The following SLC39A8 variants were observed in gnomAD, a reference collection of about 807,000 sequenced individuals.
SLC39A8 encodes metal cation symporter ZIP8.
Under a neutral mutation model 40.4 loss-of-function variants are expected in SLC39A8, and 15 were observed. That is an observed-to-expected ratio of 0.37 (90% CI 0.25 to 0.57). SLC39A8 has a LOEUF of 0.57. SLC39A8 is among the 20% of genes least tolerant of loss of function. The probability of loss-of-function intolerance (pLI) is 0.75; values close to 1 mark genes in which losing one functional copy is unlikely to be tolerated. For missense variants in SLC39A8, 472 were observed against 558.8 expected (o/e 0.84, Z 1.57); for synonymous variants, 223 against 221.6 (o/e 1.01, Z -0.06).
chr4:102,282,758 A>G (rs233824), intron 6 of SLC39A8, among the ~76,000 whole-genome samples: 111,333 of 151,942 alleles, frequency 0.73, 41,180 homozygotes, highest in Middle Eastern at 0.79. Context: ...ACGGAGTCCC[A>G]CTCTGTCGTC....
chr4:102,275,787 C>T (rs935258486), intron 6 of SLC39A8, among the ~76,000 whole-genome samples: 1 of 152,192 alleles, frequency 6.6e-6, no homozygotes, highest in African/African-American at 2.4e-5. Flanking sequence ...CAAACAGTCT[C>T]TCAGACCATA....
At position 102,289,209 on chromosome 4, in the gene SLC39A8, C is replaced by T. The variant is rs536145326; in HGVS notation, c.840+15108G>A. 5.9e-5 allele frequency among the ~76,000 whole-genome samples: 9 copies of T among 152,240 alleles called. No homozygotes were observed. The South Asian group carries it at 1.9e-3, about 32-fold the overall frequency. On this transcript the variant is annotated intron_variant, in intron 6 of 8. Coordinates refer to ENST00000356736, the MANE Select transcript of SLC39A8 (RefSeq NM_001135146.2). ...CTCTGTCTGTGCTCTAGAAATGAAA[C>T]AACACAGCCTGGATGGTAACACATC... is the stretch of plus-strand genomic sequence containing the variant.
chr4:102,266,266 AG>A (rs1384269659), intron 8 of SLC39A8, among the ~76,000 whole-genome samples: 45 of 152,198 alleles, frequency 3.0e-4, no homozygotes, highest in Non-Finnish European at 4.7e-4. Context: ...GAACAACTCT[AG>A]TAAGATTCCA....
At chr4:102,258,830 C>G (rs953838058), downstream of SLC39A8, among the ~76,000 whole-genome samples, 14 of 152,112 alleles carry the variant, frequency 9.2e-5, no homozygotes, top group Admixed American at 9.2e-4. Flanking sequence ...TGACTTAGTC[C>G]TTGGTTTTCC....
At chr4:102,333,857 T>C (rs1735566900) in intron 2 of SLC39A8, among the ~76,000 whole-genome samples, 2 of 152,152 alleles carry the variant, frequency 1.3e-5, no homozygotes, top group South Asian at 2.1e-4. Flanking sequence ...GGAGCACTAA[T>C]ATTTAAAGAA....
chr4:102,269,373 C>T (rs1466566121), intron 6 of SLC39A8, among the ~76,000 whole-genome samples: 15 of 152,114 alleles, frequency 9.9e-5, no homozygotes, highest in African/African-American at 3.6e-4. Context: ...TGTTTGTAGG[C>T]ACAGATAAAA....
exon 12 of SLC39A8, chr4:102,251,226 T>C (rs1384460396): frequency 6.6e-6 from 1 of 152,194 alleles, no homozygotes; most frequent in East Asian, 1.9e-4. Context: ...CATTCATATG[T>C]TCCTTCTAGC....
chr4:102,308,034 G>T (rs1356117706), intron 3 of SLC39A8, among the ~76,000 whole-genome samples: 1 of 151,652 alleles, frequency 6.6e-6, no homozygotes, highest in Non-Finnish European at 1.5e-5. Flanking sequence ...GGGGTGATGG[G>T]TGGGAGGGCA....
At chr4:102,310,606 G>A (rs1734390305) in intron 3 of SLC39A8, among the ~76,000 whole-genome samples, 1 of 152,064 alleles carries the variant, frequency 6.6e-6, no homozygotes, top group South Asian at 2.1e-4. Flanking sequence ...TGGTGGGAGT[G>A]TAATTCATCA....
intron 2 of SLC39A8, among the ~76,000 whole-genome samples, chr4:102,320,451 A>T (rs1309994810): frequency 3.0e-5 from 3 of 98,426 alleles, no homozygotes; most frequent in African/African-American, 1.3e-4. Context: ...TATATATATG[A>T]GAGTATATAT....
intron 2 of SLC39A8, among the ~76,000 whole-genome samples, chr4:102,343,945 C>T (rs370694058): frequency 4.5e-4 from 68 of 152,158 alleles, no homozygotes; most frequent in African/African-American, 1.2e-3. Context: ...GCCCTGAATG[C>T]CTCATGTAAT....
chr4:102,320,091 G>A (rs1285201235), intron 2 of SLC39A8, among the ~76,000 whole-genome samples: 1 of 148,488 alleles, frequency 6.7e-6, no homozygotes, highest in Non-Finnish European at 1.5e-5. Flanking sequence ...TCTGTAGCCT[G>A]CAGACAGCAG....
chr4:102,322,919 C>A (rs1028729268), intron 2 of SLC39A8, among the ~76,000 whole-genome samples: 4 of 152,162 alleles, frequency 2.6e-5, no homozygotes, highest in African/African-American at 9.7e-5. Flanking sequence ...GGGTTAGAAT[C>A]CAAGTCTGAA....
In SLC39A8 at chr4:102,340,121, A is replaced by G. The variant is rs1405359034; in HGVS notation, c.219+4323T>C. 2.0e-5 allele frequency among the ~76,000 whole-genome samples: 3 copies of G among 152,198 alleles called. No individual in the cohort carries two copies. In the East Asian group the frequency reaches 5.8e-4, roughly 29 times the overall value. ...GTAAAGTCATGTGAGGACTCAAATT[A>G]TCAAACTCATCTTAAACCATCTTCA... On this transcript the variant is annotated intron_variant, in intron 2 of 8. Transcript: ENST00000356736.
chr4:102,306,313 A>G (rs536566375), intron 4 of SLC39A8, among the ~76,000 whole-genome samples: 2 of 152,032 alleles, frequency 1.3e-5, no homozygotes, highest in South Asian at 4.1e-4. Flanking sequence ...TATGTATATA[A>G]TACTCTTTTA....
chr4:102,262,821 C>T lies in SLC39A8; in HGVS notation c.*223G>A, dbSNP rs533893658. On this transcript the variant is annotated 3_prime_UTR_variant, in exon 9 of 9. Transcript: ENST00000356736. Reference sequence around the variant, plus strand: ...GAAAAATAGGTATTTCCCAAAGGCTCCTATATACCAGGCATCTCAGACTGA... The same window carrying T: ...GAAAAATAGGTATTTCCCAAAGGCTTCTATATACCAGGCATCTCAGACTGA... 3.7e-5 allele frequency: 49 copies of T among 1,312,282 alleles called. No individual in the cohort carries two copies. The South Asian group carries it at 4.9e-4, about 13-fold the overall frequency. 81.3% of individuals were successfully genotyped at this position (1,312,282 alleles called of 1,614,324 possible). A position where few individuals can be genotyped will look rare whatever the true frequency, so the allele number is the denominator to read the frequency against.
chr4:102,261,728 G>A lies in SLC39A8; in HGVS notation c.*1316C>T, dbSNP rs911686549. On this transcript the variant is annotated 3_prime_UTR_variant, in exon 9 of 9. Transcript: ENST00000356736. ...ATTTTTTAATTGTCAGTCATAAAGTGAAATACATACTAAAATATATATTAA... is the reference window on the plus strand; with the variant it reads ...ATTTTTTAATTGTCAGTCATAAAGTAAAATACATACTAAAATATATATTAA... 4.9e-5 allele frequency: 48 copies of A among 981,234 alleles called. No individual in the cohort carries two copies. Among genetic ancestry groups the A allele is most frequent in the Middle Eastern group, 5.2e-4 (1 of 1,926 alleles). The allele number at this position is 981,234 out of a possible 1,614,324, so 60.8% of individuals were successfully genotyped here.
chr4:102,263,567 G>A (rs1184957732), intron 8 of SLC39A8, among the ~76,000 whole-genome samples: 1 of 152,156 alleles, frequency 6.6e-6, no homozygotes, highest in South Asian at 2.1e-4. Context: ...TAGAGTAGTG[G>A]TTGCTAAAGA....
chr4:102,259,507 T>C, downstream of SLC39A8: 3 of 1,544,090 alleles, frequency 1.9e-6, no homozygotes, highest in African/African-American at 1.4e-5. Flanking sequence ...AGTAGCCCAT[T>C]TGATTATCTA....
Sources: gnomAD v4.1 joint callset for allele counts (sites outside exome capture counted in the v4.1 genomes callset) on GRCh38, gnomAD v4.1.1 for gene constraint, MANE v1.5 for transcripts, NCBI Gene and HGNC (gene_info 2026-07-23, HGNC 2026-07-21) for gene names.